Variants in KIF4A observed in about 807,000 individuals in gnomAD.
KIF4A encodes the protein chromosome-associated kinesin KIF4A.
KIF4A carries 7 observed loss-of-function variants against 105.9 expected under a neutral mutation model. The ratio of observed to expected loss-of-function variants is 0.07; its 90% CI spans 0.04 to 0.12. KIF4A has a LOEUF of 0.12. KIF4A is among the 10% of genes least tolerant of loss of function. KIF4A has a pLI of 1.00. For missense variants in KIF4A, 558 were observed against 929.2 expected, an observed-to-expected ratio of 0.60 and a Z score of 5.19; for synonymous variants, 281 against 331.3, an observed-to-expected ratio of 0.85 and a Z score of 1.65.
At position 70,394,289 on chromosome X, in the gene KIF4A, G is replaced by T. The variant is rs191947429; in HGVS notation, c.2233-1382G>T. Among the ~76,000 whole-genome samples the T allele has an allele frequency of 5.5e-5, 6 of 108,533 alleles. No individual in the cohort carries two copies. The East Asian group carries it at 1.7e-3, about 31-fold the overall frequency. The allele number at this position is 108,533 out of a possible 115,157, so 94.2% of individuals were successfully genotyped here. ...CGTGACCATAGTTCACTGTAACCTC[G>T]GATACCTGGACTCAAGTGATTCTCC... On this transcript the variant is annotated intron_variant, in intron 20 of 30. Transcript: ENST00000374403.
At chrX:70,348,130 T>C (rs771992121) in intron 13 of KIF4A, among the ~76,000 whole-genome samples, 1 of 108,525 alleles carries the variant, frequency 9.2e-6, no homozygotes, top group Non-Finnish European at 1.9e-5. Flanking sequence ...AGGGAAATGC[T>C]TCATAAATAG....
At chrX:70,419,327 T>C (rs1246483438) in intron 29 of KIF4A, among the ~76,000 whole-genome samples, 6 of 111,913 alleles carry the variant, frequency 5.4e-5, no homozygotes, top group Non-Finnish European at 9.4e-5. Flanking sequence ...GAACACCCAG[T>C]ATGGATGCTA....
intron 7 of KIF4A, among the ~76,000 whole-genome samples, chrX:70,321,822 C>A (rs1160099034): frequency 2.7e-5 from 3 of 111,268 alleles, no homozygotes; most frequent in African/African-American, 9.8e-5. Flanking sequence ...CAACTCATGA[C>A]CTGAACAACT....
chrX:70,306,679 T>TACAG (rs1392422273), intron 7 of KIF4A, among the ~76,000 whole-genome samples: 1 of 111,008 alleles, frequency 9.0e-6, no homozygotes, highest in Non-Finnish European at 1.9e-5. Context: ...TAGCTGAGAC[T>TACAG]ACAGACACAT....
intron 6 of KIF4A, 113 bp downstream of exon 6, chrX:70,302,179 C>A: frequency 9.3e-7 from 1 of 1,078,415 alleles, no homozygotes; most frequent in Non-Finnish European, 1.3e-6. Flanking sequence ...ATTGTGAGCA[C>A]GAGTGACTAA....
intron 11 of KIF4A, among the ~76,000 whole-genome samples, chrX:70,343,167 T>A (rs2085978594): frequency 9.0e-6 from 1 of 111,228 alleles, no homozygotes; most frequent in African/African-American, 3.3e-5. Context: ...TAGCCTACCA[T>A]ATCAAATAGT....
chrX:70,415,588 CAG>C (rs1182956713), intron 28 of KIF4A: 3 of 81,420 alleles, frequency 3.7e-5, no homozygotes, highest in Non-Finnish European at 6.9e-5. Flanking sequence ...GCCTGGGTGA[CAG>C]AGCAAGACCC....
chrX:70,333,565 C>T (rs2085939530), intron 9 of KIF4A, 63 bp from the exon 10 acceptor site: 1 of 793,738 alleles, frequency 1.3e-6, no homozygotes. Flanking sequence ...GGTAATTTTA[C>T]TGCCAAGGGT....
At chrX:70,353,905 C>A in intron 15 of KIF4A, 98 bp downstream of exon 15, 1 of 697,975 alleles carries the variant, frequency 1.4e-6, no homozygotes, top group Non-Finnish European at 2.1e-6. Context: ...GATGAAAAGA[C>A]AACAAAATGT....
intron 15 of KIF4A, among the ~76,000 whole-genome samples, chrX:70,355,133 C>G (rs2086045992): frequency 9.0e-6 from 1 of 111,601 alleles, no homozygotes; most frequent in Non-Finnish European, 1.9e-5. Flanking sequence ...TCTAGACAGC[C>G]TTTTGTAAAA....
chrX:70,405,752 A>C, intron 25 of KIF4A, 76 bp from the exon 26 acceptor site: 5 of 724,757 alleles, frequency 6.9e-6, no homozygotes, highest in Non-Finnish European at 1.1e-5. Flanking sequence ...GTATGTTTTC[A>C]TCTATGTGAG....
intron 1 of KIF4A, 82 bp downstream of exon 1, chrX:70,290,232 T>G: frequency 2.7e-6 from 1 of 370,336 alleles, no homozygotes; most frequent in Non-Finnish European, 4.6e-6. Flanking sequence ...GCCGTCCCCG[T>G]TGGAGTTTTT....
chrX:70,391,330 A>G (rs2086236687), intron 20 of KIF4A, among the ~76,000 whole-genome samples: 1 of 111,677 alleles, frequency 9.0e-6, no homozygotes, highest in Admixed American at 9.6e-5. Context: ...TGCTGTCTGT[A>G]AATACAATTT....
At chrX:70,344,017 C>T in intron 13 of KIF4A, 35 bp downstream of exon 13, 1 of 1,004,018 alleles carries the variant, frequency 1.0e-6, no homozygotes, top group Non-Finnish European at 1.4e-6. Context: ...ATAGGCATAT[C>T]ACTTTCATTT....
chrX:70,411,901 G>GA (rs1238877610), intron 28 of KIF4A, among the ~76,000 whole-genome samples: 17 of 96,065 alleles, frequency 1.8e-4, no homozygotes, highest in South Asian at 4.7e-4. Context: ...AAAAGAAAAA[G>GA]AAAAAAAAAA....
intron 20 of KIF4A, among the ~76,000 whole-genome samples, chrX:70,395,329 ATATT>A (rs1470094215): frequency 1.8e-5 from 2 of 112,388 alleles, no homozygotes; most frequent in South Asian, 3.6e-4. Flanking sequence ...TTAAAAATGG[ATATT>A]TATTTATTAA....
chrX:70,300,700 G>A (rs985780457), intron 5 of KIF4A, among the ~76,000 whole-genome samples: 1 of 111,578 alleles, frequency 9.0e-6, no homozygotes, highest in Non-Finnish European at 1.9e-5. Context: ...AAACTTCTGA[G>A]TGAGGGATTA....
At chrX:70,357,309 A>G (rs1346659446) in intron 15 of KIF4A, among the ~76,000 whole-genome samples, 1 of 111,509 alleles carries the variant, frequency 9.0e-6, no homozygotes, top group Non-Finnish European at 1.9e-5. Context: ...GCAAGACTCC[A>G]TCTCAAAAAC....
At chrX:70,384,587 G>A (rs1385951990) in intron 18 of KIF4A, among the ~76,000 whole-genome samples, 2 of 109,696 alleles carry the variant, frequency 1.8e-5, no homozygotes, top group Non-Finnish European at 3.8e-5. Context: ...AGCCAGGCAC[G>A]GTGGCACATG....
Sources: gnomAD v4.1 joint callset for allele counts (sites outside exome capture counted in the v4.1 genomes callset) on GRCh38, gnomAD v4.1.1 for gene constraint, MANE v1.5 for transcripts, NCBI Gene and HGNC (gene_info 2026-07-23, HGNC 2026-07-21) for gene names.